Variants in MON1B observed in about 807,000 individuals in gnomAD.
MON1B encodes vacuolar fusion protein MON1 homolog B.
Under a neutral mutation model 45.1 loss-of-function variants are expected in MON1B, and 26 were observed. The observed-to-expected ratio is 0.58, with a 90% confidence interval of 0.42 to 0.80. The LOEUF (loss-of-function observed/expected upper bound fraction) is 0.80. MON1B is among the 30% of genes least tolerant of loss of function. The pLI is 0.00. For missense variants in MON1B, 737 were observed against 754.5 expected, an observed-to-expected ratio of 0.98 and a Z score of 0.27; for synonymous variants, 395 against 320.2, an observed-to-expected ratio of 1.23 and a Z score of -2.49.
chr16:77,195,341 A>G (rs1199835740), intron 4 of MON1B, among the ~76,000 whole-genome samples, 187 bp downstream of exon 4: 1 of 152,202 alleles, frequency 6.6e-6, no homozygotes, highest in African/African-American at 2.4e-5. Context: ...TCTGGTGGAC[A>G]GCAGGGCCCT....
chr16:77,193,938 C>A lies in MON1B; in HGVS notation c.475+161C>A. 2.9e-6 allele frequency: 2 copies of A among 695,270 alleles called. No homozygotes were observed. Among genetic ancestry groups the A allele is most frequent in the Non-Finnish European group, 4.7e-6 (2 of 423,174 alleles). 43.1% of individuals were successfully genotyped at this position (695,270 alleles called of 1,614,324 possible). A position where few individuals can be genotyped will look rare whatever the true frequency, so the allele number is the denominator to read the frequency against. The stretch of plus-strand genomic sequence containing the variant: ...GTCAGTGGCGGGAGGTGGGGGGGTT[C>A]ATCTCTGTCTGGCCTGCTGGTTTCT... On this transcript the variant is annotated intron_variant, in intron 3 of 5. Coordinates refer to ENST00000248248, the MANE Select transcript of MON1B (RefSeq NM_014940.4). The surrounding 1 kb of genome is among the most constrained non-coding windows in gnomAD (Gnocchi z 5.0).
intron 5 of MON1B, 93 bp downstream of exon 5, chr16:77,195,775 ACACAG>A: frequency 6.8e-7 from 1 of 1,473,066 alleles, no homozygotes; most frequent in Non-Finnish European, 9.3e-7. Flanking sequence ...CCTCCACCAA[ACACAG>A]CAGGCCTCTG....
chr16:77,191,511 C>T lies in MON1B; in HGVS notation c.26C>T (p.Ala9Val), dbSNP rs374081401. Reference protein sequence around the residue: MEVGGDTAAPAPGGAEDLE... With the variant: MEVGGDTAVPAPGGAEDLE... ...ATGGAGGTCGGAGGAGACACTGCTG[C>T]CCCGGCCCCCGGGGGCGCGGAGGAC... is the stretch of plus-strand genomic sequence containing the variant. Residue 9 changes from alanine to valine, a missense_variant, in exon 2 of 6, where the codon GCC becomes GTC. By Grantham distance (64) the Ala-to-Val change is moderately conservative. Transcript: ENST00000248248. The T allele has an allele frequency of 4.2e-5, 67 of 1,607,032 alleles. No homozygotes were observed. The highest frequency in any genetic ancestry group is 5.4e-5 in the Non-Finnish European group (64 of 1,177,982).
At position 77,194,203 on chromosome 16, in the gene MON1B, G is replaced by C. The variant is rs1213112642; in HGVS notation, c.476-132G>C. ...CCAGCTTGTCCTTACCCCAGTCCAG[G>C]TGCCCACAGAGTGAGCATGTGGACT... On this transcript the variant is annotated intron_variant, in intron 3 of 5. Coordinates refer to ENST00000248248, the MANE Select transcript of MON1B (RefSeq NM_014940.4). This position sits in a 1 kb window ranked among gnomAD's most constrained non-coding sequence, Gnocchi z 8.1. 1 of 818,882 alleles carries C rather than the reference G, an allele frequency of 1.2e-6. No individual in the cohort carries two copies. The highest frequency in any genetic ancestry group is 2.4e-5 in the East Asian group (1 of 41,088). 50.7% of individuals were successfully genotyped at this position (818,882 alleles called of 1,614,324 possible).
chr16:77,198,454 T>C lies in MON1B; in HGVS notation c.*146T>C. The C allele has an allele frequency of 1.2e-6, 1 of 866,336 alleles. No individual in the cohort carries two copies. Among genetic ancestry groups the C allele is most frequent in the Non-Finnish European group, 1.8e-6 (1 of 564,176 alleles). The allele number at this position is 866,336 out of a possible 1,614,324, so 53.7% of individuals were successfully genotyped here. The stretch of plus-strand genomic sequence containing the variant: ...GGGGCAAGGTCTGAGGGCCCACCGA[T>C]GAGAGAGATGGTGGCAGCCGCCAGG... On this transcript the variant is annotated 3_prime_UTR_variant, in exon 6 of 6. Transcript: ENST00000248248.
intron 5 of MON1B, among the ~76,000 whole-genome samples, chr16:77,195,935 C>A (rs549753223): frequency 6.6e-6 from 1 of 152,324 alleles, no homozygotes; most frequent in East Asian, 1.9e-4. Flanking sequence ...AGGACAGTGT[C>A]TTTGACTTTC....
In MON1B at chr16:77,199,477, A is replaced by G. The variant is rs761911708; in HGVS notation, c.*1169A>G. On this transcript the variant is annotated 3_prime_UTR_variant, in exon 6 of 6. Coordinates refer to ENST00000248248, the MANE Select transcript of MON1B (RefSeq NM_014940.4). ...ATGGCGGGGAAGCTGAAACCTCTGA[A>G]TGTGGAGGCGCCAGAAGCTACTGAG... is the stretch of plus-strand genomic sequence containing the variant. 9 of 1,551,402 alleles carry G rather than the reference A, an allele frequency of 5.8e-6. No individual in the cohort carries two copies. The African/African-American group carries it at 1.1e-4, about 19-fold the overall frequency.
In MON1B at chr16:77,193,177, G is replaced by T. The variant is rs1358200107; in HGVS notation, c.149-274G>T. ...AACAGTGATTGAAAGGGAAGTAATT[G>T]GTCTGTAGGAACATAGCAAGTCCAG... On this transcript the variant is annotated intron_variant, in intron 2 of 5. Transcript: ENST00000248248. This position sits in a 1 kb window ranked among gnomAD's most constrained non-coding sequence, Gnocchi z 5.0. Among the ~76,000 whole-genome samples, 1 of 151,998 alleles carries T rather than the reference G, an allele frequency of 6.6e-6. No individual in the cohort carries two copies. Among genetic ancestry groups the T allele is most frequent in the African/African-American group, 2.4e-5 (1 of 41,342 alleles).
rs188117951 is a variant in MON1B at position 77,198,518 on chromosome 16, C to A, written c.*210C>A. On this transcript the variant is annotated 3_prime_UTR_variant, in exon 6 of 6. Transcript: ENST00000248248. ...TTCCCTGCCCAGTCATGCACCTCCC[C>A]CTCTGGGGAAATCCTTAGGCCTCCC... 2.9e-4 allele frequency: 171 copies of A among 599,404 alleles called. No homozygotes were observed. Among genetic ancestry groups the A allele is most frequent in the African/African-American group, 2.0e-3 (108 of 53,886 alleles). 37.1% of individuals were successfully genotyped at this position (599,404 alleles called of 1,614,324 possible).
chr16:77,195,619 C>T lies in MON1B; in HGVS notation c.1380C>T (p.His460=), dbSNP rs752500795. The T allele has an allele frequency of 6.8e-6, 11 of 1,614,186 alleles. No individual in the cohort carries two copies. The highest frequency in any genetic ancestry group is 1.7e-6 in the Non-Finnish European group (2 of 1,180,028). ...DLYHRLHARL[H]STSRPLRLIY... is the part of the protein sequence containing the mutation. ...ACCACCGCCTGCATGCTCGTCTCCA[C>T]AGCACCTCCCGACCCCTGCGCCTCA... The change falls in exon 5 of 6, where the codon CAC becomes CAT. Residue 460 remains histidine, a synonymous_variant. Coordinates refer to ENST00000248248, the MANE Select transcript of MON1B (RefSeq NM_014940.4).
intron 5 of MON1B, 108 bp downstream of exon 5, chr16:77,195,790 G>A (rs2054659826): frequency 7.9e-6 from 11 of 1,399,670 alleles, no homozygotes; most frequent in Admixed American, 2.0e-5. Flanking sequence ...GCAGGCCTCT[G>A]GCTGGGCTGT....
chr16:77,199,711 A>C lies in MON1B; in HGVS notation c.*1403A>C. The C allele has an allele frequency of 1.9e-6, 1 of 530,306 alleles. No individual in the cohort carries two copies. The highest frequency in any genetic ancestry group is 2.9e-5 in the South Asian group (1 of 34,978). The allele number at this position is 530,306 out of a possible 1,614,324, so 32.9% of individuals were successfully genotyped here. ...ATTAACAGGCATATTCTTATCACCG[A>C]GATTAACTTTTGTCAACTGTAGTGT... is the stretch of plus-strand genomic sequence containing the variant. On this transcript the variant is annotated 3_prime_UTR_variant, in exon 6 of 6. Coordinates refer to ENST00000248248, the MANE Select transcript of MON1B (RefSeq NM_014940.4).
chr16:77,200,291 T>TGTGTATATATATATATATACACACAC lies in MON1B; in HGVS notation c.*1983_*1984insGTGTATATATATATATATACACACAC, dbSNP rs1555502425. ...ATATATGTGTATATATATATATATATACACACACTAATCAGCCGGGCGCGG... is the reference window on the plus strand; with the variant it reads ...ATATATGTGTATATATATATATATATGTGTATATATATATATATACACACACACACACACTAATCAGCCGGGCGCGG... On this transcript the variant is annotated 3_prime_UTR_variant, in exon 6 of 6. Transcript: ENST00000248248. 14 of 111,438 alleles carry TGTGTATATATATATATATACACACAC rather than the reference T, an allele frequency of 1.3e-4. No individual in the cohort carries two copies. The highest frequency in any genetic ancestry group is 8.1e-4 in the South Asian group (3 of 3,684). 6.9% of individuals were successfully genotyped at this position (111,438 alleles called of 1,614,324 possible).
chr16:77,196,133 G>A (rs1388176197), intron 5 of MON1B, among the ~76,000 whole-genome samples: 1 of 152,128 alleles, frequency 6.6e-6, no homozygotes, highest in Non-Finnish European at 1.5e-5. Context: ...TCTCCTCTGG[G>A]CTCCAGCCCT....
Position 77,200,264 on chromosome 16 carries a change from A to G in MON1B, c.*1956A>G, listed in dbSNP as rs1375113333. On this transcript the variant is annotated 3_prime_UTR_variant, in exon 6 of 6. Transcript: ENST00000248248. ...TATATATATGTATATGTGTATATAT[A>G]TATATATGTGTATATATATATATAT... 2 of 114,426 alleles carry G rather than the reference A, an allele frequency of 1.7e-5. No homozygotes were observed. The highest frequency in any genetic ancestry group is 6.4e-5 in the African/African-American group (2 of 31,462). 7.1% of individuals were successfully genotyped at this position (114,426 alleles called of 1,614,324 possible). A position where few individuals can be genotyped will look rare whatever the true frequency, so the allele number is the denominator to read the frequency against.
At chr16:77,192,966 A>G (rs2057469113) in intron 2 of MON1B, among the ~76,000 whole-genome samples, 1 of 152,050 alleles carries the variant, frequency 6.6e-6, no homozygotes, top group Non-Finnish European at 1.5e-5. Flanking sequence ...ATCAGTGGGC[A>G]TCACTGATAG....
Position 77,198,524 on chromosome 16 carries a change from G to C in MON1B, c.*216G>C, listed in dbSNP as rs2054691930. ...GCCCAGTCATGCACCTCCCCCTCTG[G>C]GGAAATCCTTAGGCCTCCCTCTCCC... is the stretch of plus-strand genomic sequence containing the variant. On this transcript the variant is annotated 3_prime_UTR_variant, in exon 6 of 6. Transcript: ENST00000248248. The C allele has an allele frequency of 1.7e-6, 1 of 592,454 alleles. No individual in the cohort carries two copies. Among genetic ancestry groups the C allele is most frequent in the Non-Finnish European group, 3.0e-6 (1 of 334,030 alleles). 36.7% of individuals were successfully genotyped at this position (592,454 alleles called of 1,614,324 possible). A position where few individuals can be genotyped will look rare whatever the true frequency, so the allele number is the denominator to read the frequency against.
chr16:77,193,577 G>T lies in MON1B; in HGVS notation c.275G>T (p.Ser92Ile). ...ENSPTCSPES[S>I]SGGQGGDPSD... ...AGTCCCACATGTAGCCCTGAGAGTAGCTCTGGAGGCCAGGGCGGGGACCCC... is the reference window on the plus strand; with the variant it reads ...AGTCCCACATGTAGCCCTGAGAGTATCTCTGGAGGCCAGGGCGGGGACCCC... The change falls in exon 3 of 6, where the codon AGC becomes ATC. Residue 92 changes from serine to isoleucine, a missense_variant. Coordinates refer to ENST00000248248, the MANE Select transcript of MON1B (RefSeq NM_014940.4). This position sits in a 1 kb window ranked among gnomAD's most constrained non-coding sequence, Gnocchi z 5.0. 1 of 1,614,052 alleles carries T rather than the reference G, an allele frequency of 6.2e-7. No homozygotes were observed. The highest frequency in any genetic ancestry group is 8.5e-7 in the Non-Finnish European group (1 of 1,179,950).
rs2054744440 is a variant in MON1B at position 77,201,655 on chromosome 16, G to A, written c.*3347G>A. On this transcript the variant is annotated 3_prime_UTR_variant, in exon 6 of 6. Coordinates refer to ENST00000248248, the MANE Select transcript of MON1B (RefSeq NM_014940.4). ...GTATGGACCAGGAATGGTCACTGGA[G>A]TGTTGATGTAGGCACAACACAAGAA... is the stretch of plus-strand genomic sequence containing the variant. 6.6e-6 allele frequency: 1 copy of A among 152,176 alleles called. No homozygotes were observed. Among genetic ancestry groups the A allele is most frequent in the African/African-American group, 2.4e-5 (1 of 41,440 alleles). The allele number at this position is 152,176 out of a possible 1,614,324, so 9.4% of individuals were successfully genotyped here. A position where few individuals can be genotyped will look rare whatever the true frequency, so the allele number is the denominator to read the frequency against.
Sources: allele counts gnomAD v4.1 joint callset (sites outside exome capture counted in the v4.1 genomes callset), GRCh38; gene constraint gnomAD v4.1.1; non-coding constraint Gnocchi (gnomAD v3.1); transcripts MANE v1.5; gene names NCBI Gene and HGNC (gene_info 2026-07-23, HGNC 2026-07-21).